WSCD2: variants seen among roughly 807,000 people sequenced by gnomAD.
WSCD2 encodes the protein WSC domain sialate O sulfotransferase 2.
WSCD2 carries 28 observed loss-of-function variants against 55.7 expected under a neutral mutation model. That is an observed-to-expected ratio of 0.50 (90% confidence interval 0.37 to 0.69). The LOEUF is 0.69. WSCD2 is among the 30% of genes least tolerant of loss of function. The pLI is 0.00. For synonymous variants in WSCD2, 301 were observed against 301.9 expected (o/e 1.00, Z 0.03); for missense variants, 616 against 762.1 (o/e 0.81, Z 2.26).
At chr12:108,161,498 GA>G (rs1476067956) in intron 1 of WSCD2, among the ~76,000 whole-genome samples, 2 of 152,186 alleles carry the variant, frequency 1.3e-5, no homozygotes, top group Non-Finnish European at 2.9e-5. Flanking sequence ...TATGAGCCAA[GA>G]AATGCCAAAG....
rs766940289 is a variant in WSCD2, at chr12:108,240,330, C to G, written c.1145-14C>G. 1 of 1,613,696 alleles carries G rather than the reference C, an allele frequency of 6.2e-7. No homozygotes were observed. The highest frequency in any genetic ancestry group is 8.5e-7 in the Non-Finnish European group (1 of 1,180,022). ...AGCTCACCAGTCCTGTTCCTCACCT[C>G]TGGCTGCGGGAAGGGTTTAAAGGTG... On this transcript the variant is annotated splice_polypyrimidine_tract_variant and intron_variant, in intron 7 of 8. Transcript: ENST00000547525.
At position 108,248,146 on chromosome 12, in the gene WSCD2, G is replaced by A. The variant is rs1403360325; in HGVS notation, c.1501G>A (p.Ala501Thr). ...CCGGATGGTCAGCCTGCTGGGCGTG[G>A]CTGTCAGGGAGGACCGGCTGCTCTG... The part of the protein sequence containing the change: ...LGRMVSLLGV[A>T]VREDRLLCVE... Residue 501 changes from alanine to threonine, a missense_variant, in exon 9 of 9, where the codon GCT becomes ACT. Transcript: ENST00000547525. This position sits in a 1 kb window ranked among gnomAD's most constrained non-coding sequence, Gnocchi z 4.3. 3 of 1,614,094 alleles carry A rather than the reference G, an allele frequency of 1.9e-6. No individual in the cohort carries two copies. The highest frequency in any genetic ancestry group is 4.5e-5 in the East Asian group (2 of 44,896).
chr12:108,214,818 G>A lies in WSCD2; in HGVS notation c.682+4513G>A, dbSNP rs570710213. Among the ~76,000 whole-genome samples the A allele has an allele frequency of 4.6e-5, 7 of 152,244 alleles. No individual in the cohort carries two copies. The South Asian group carries it at 1.0e-3, about 23-fold the overall frequency. ...ACATTATGAAGCTTACACTATCACT[G>A]AAAAAATAGATACCTTGTTTATGGT... is the stretch of plus-strand genomic sequence containing the variant. On this transcript the variant is annotated intron_variant, in intron 4 of 8. Transcript: ENST00000547525.
chr12:108,209,552 T>C (rs907387720), intron 3 of WSCD2, among the ~76,000 whole-genome samples: 1 of 152,000 alleles, frequency 6.6e-6, no homozygotes, highest in African/African-American at 2.4e-5. Flanking sequence ...TGTGTCTATG[T>C]GAGTAGGTGT....
chr12:108,205,210 G>C (rs929680929), intron 2 of WSCD2, among the ~76,000 whole-genome samples: 14 of 152,146 alleles, frequency 9.2e-5, no homozygotes, highest in African/African-American at 3.1e-4. Flanking sequence ...CAGAGCACAG[G>C]CTCTGAAACC....
chr12:108,137,308 A>G (rs1344265202), intron 1 of WSCD2, among the ~76,000 whole-genome samples: 1 of 152,234 alleles, frequency 6.6e-6, no homozygotes, highest in African/African-American at 2.4e-5. Flanking sequence ...TGTAAAACAC[A>G]ATAAGAAAGT....
chr12:108,164,294 T>C (rs1326241721), intron 1 of WSCD2, among the ~76,000 whole-genome samples: 2 of 151,974 alleles, frequency 1.3e-5, no homozygotes, highest in East Asian at 3.9e-4. Flanking sequence ...ACCATTCTTA[T>C]CACTCCAGAG....
At chr12:108,133,588 T>C (rs1875849962) in intron 1 of WSCD2, among the ~76,000 whole-genome samples, 1 of 152,142 alleles carries the variant, frequency 6.6e-6, no homozygotes, top group Non-Finnish European at 1.5e-5. Context: ...AGATCACTCT[T>C]CTCCCTGCTC....
intron 1 of WSCD2, among the ~76,000 whole-genome samples, chr12:108,159,442 G>C (rs1878846434): frequency 6.6e-6 from 1 of 152,226 alleles, no homozygotes; most frequent in South Asian, 2.1e-4. Context: ...AGACGAAAGT[G>C]GCTAAGCTGG....
chr12:108,187,379 T>C (rs1275724364), intron 1 of WSCD2, among the ~76,000 whole-genome samples: 3 of 152,208 alleles, frequency 2.0e-5, no homozygotes, highest in African/African-American at 2.4e-5. Flanking sequence ...AAGAGGTAAA[T>C]GTTTTGTTTA....
chr12:108,162,195 C>T (rs1281531303), intron 1 of WSCD2, among the ~76,000 whole-genome samples: 2 of 152,228 alleles, frequency 1.3e-5, no homozygotes, highest in African/African-American at 4.8e-5. Context: ...AGATTCTCTT[C>T]CAAGCCTGAA....
At chr12:108,155,811 C>T (rs939073422) in intron 1 of WSCD2, among the ~76,000 whole-genome samples, 2 of 152,302 alleles carry the variant, frequency 1.3e-5, no homozygotes, top group East Asian at 1.9e-4. Flanking sequence ...ATGACAAATA[C>T]TATTGTTATC....
intron 1 of WSCD2, among the ~76,000 whole-genome samples, chr12:108,163,823 G>T (rs1879319688): frequency 6.6e-6 from 1 of 152,086 alleles, no homozygotes; most frequent in Admixed American, 6.6e-5. Flanking sequence ...TTACACTTCT[G>T]ATTTTCAGAA....
Position 108,129,691 on chromosome 12 carries a change from G to C in WSCD2, c.-787G>C, listed in dbSNP as rs1328575131. 1 of 152,324 alleles carries C rather than the reference G, an allele frequency of 6.6e-6. No homozygotes were observed. The highest frequency in any genetic ancestry group is 6.5e-5 in the Admixed American group (1 of 15,292). 9.4% of individuals were successfully genotyped at this position (152,324 alleles called of 1,614,324 possible). A position where few individuals can be genotyped will look rare whatever the true frequency, so the allele number is the denominator to read the frequency against. Reference sequence around the variant, plus strand: ...CGCACACTATCCCACTTTCCCGCTGGAGGCGCAGAGGATGCCCCTTGAGCC... The same window carrying C: ...CGCACACTATCCCACTTTCCCGCTGCAGGCGCAGAGGATGCCCCTTGAGCC... On this transcript the variant is annotated 5_prime_UTR_variant, in exon 1 of 9. Coordinates refer to ENST00000547525, the MANE Select transcript of WSCD2 (RefSeq NM_014653.4).
intron 8 of WSCD2, among the ~76,000 whole-genome samples, chr12:108,243,671 A>C (rs1395673718): frequency 6.6e-6 from 1 of 152,214 alleles, no homozygotes; most frequent in Non-Finnish European, 1.5e-5. Flanking sequence ...ATTTTTAGGC[A>C]AGCAAATGTC....
At chr12:108,186,951 C>T (rs1160397766) in intron 1 of WSCD2, among the ~76,000 whole-genome samples, 3 of 152,260 alleles carry the variant, frequency 2.0e-5, no homozygotes, top group East Asian at 1.9e-4. Context: ...TTCTTTGTCT[C>T]GGTTCAGTGT....
chr12:108,132,056 A>ATGTG (rs147728372), intron 1 of WSCD2, among the ~76,000 whole-genome samples: 1 of 151,632 alleles, frequency 6.6e-6, no homozygotes, highest in Admixed American at 6.6e-5. Context: ...GTGTGTACGC[A>ATGTG]TGTGTGTGTG....
intron 1 of WSCD2, among the ~76,000 whole-genome samples, chr12:108,193,691 T>TTGGA (rs1883510035): frequency 1.3e-5 from 2 of 150,912 alleles, no homozygotes; most frequent in South Asian, 2.1e-4. Flanking sequence ...AGATGAATGG[T>TTGGA]TGGATGGATG....
intron 7 of WSCD2, among the ~76,000 whole-genome samples, chr12:108,235,741 G>C (rs1020115932): frequency 2.6e-5 from 4 of 152,160 alleles, no homozygotes; most frequent in South Asian, 2.1e-4. Flanking sequence ...AGACAGGCAG[G>C]GGGTAGTGGG....
Sources: allele counts gnomAD v4.1 joint callset (sites outside exome capture counted in the v4.1 genomes callset), GRCh38; gene constraint gnomAD v4.1.1; non-coding constraint Gnocchi (gnomAD v3.1); transcripts MANE v1.5; gene names NCBI Gene and HGNC (gene_info 2026-07-23, HGNC 2026-07-21).